Variants in SOX6 observed in about 807,000 individuals in gnomAD.
SOX6 encodes the protein SRY-box transcription factor 6, also known as transcription factor SOX-6.
In SOX6, 11 loss-of-function variants were observed where a neutral mutation model predicts 97.8. The observed-to-expected ratio is 0.11, with a 90% CI of 0.07 to 0.19. The LOEUF (loss-of-function observed/expected upper bound fraction) is 0.19, where lower values mean the gene tolerates loss of function less well. Among genes scored for constraint, SOX6 ranks in the 10% least tolerant of loss-of-function variants. The pLI, the probability that SOX6 is intolerant of heterozygous loss-of-function variation, is 1.00. For synonymous variants in SOX6, 360 were observed against 371.4 expected (o/e 0.97, Z 0.35); for missense variants, 810 against 1,039.5 (o/e 0.78, Z 3.04).
In SOX6 at chr11:16,419,271, T is replaced by C. The variant is rs1365805931; in HGVS notation, c.-5+57044A>G. Among the ~76,000 whole-genome samples the C allele has an allele frequency of 5.3e-5, 8 of 152,206 alleles. No homozygotes were observed. In the East Asian group the frequency reaches 1.5e-3, roughly 29 times the overall value. The stretch of plus-strand genomic sequence containing the variant: ...CACTACACCACACATTATGGTTTTG[T>C]AGCTTCTTTGCCCTAAAGTAACAAA... On this transcript the variant is annotated intron_variant, in intron 1 of 15. Transcript: ENST00000396356.
rs1860646586 is a variant in SOX6 at position 16,498,453 on chromosome 11, T to C, written n.610-22065A>G. Among the ~76,000 whole-genome samples, 3 of 151,934 alleles carry C rather than the reference T, an allele frequency of 2.0e-5. No individual in the cohort carries two copies. The South Asian group carries it at 6.2e-4, about 32-fold the overall frequency. On this transcript the variant is annotated intron_variant and non_coding_transcript_variant, in intron 4 of 5. Transcript: ENST00000524520. ...ATAAGGAAAGGATCAAATTCACACA[T>C]AACAATATTAACCTTAAGTGTAAAT...
At chr11:15,979,275 G>C (rs1246995606) in intron 15 of SOX6, among the ~76,000 whole-genome samples, 3 of 151,366 alleles carry the variant, frequency 2.0e-5, no homozygotes, top group Non-Finnish European at 4.4e-5. Context: ...AAATCCTATT[G>C]GTTCTTCTTC....
intron 9 of SOX6, among the ~76,000 whole-genome samples, chr11:16,058,160 G>A (rs183373614): frequency 6.6e-6 from 1 of 151,202 alleles, no homozygotes; most frequent in East Asian, 1.9e-4. Flanking sequence ...TTGACATTTT[G>A]TTATACTCTA....
At position 15,968,325 on chromosome 11, in the gene SOX6, A is replaced by G. The variant is rs1462120626; in HGVS notation, c.*4484T>C. The G allele has an allele frequency of 6.6e-6, 1 of 152,236 alleles. No homozygotes were observed. The highest frequency in any genetic ancestry group is 1.5e-5 in the Non-Finnish European group (1 of 68,044). The allele number at this position is 152,236 out of a possible 1,614,324, so 9.4% of individuals were successfully genotyped here. ...TTCTCATTAAAAAGGAAGACCCAGT[A>G]GTAATTTCAATACATTCCTCTAGCT... On this transcript the variant is annotated 3_prime_UTR_variant, in exon 16 of 16. Transcript: ENST00000683767.
chr11:16,257,942 T>C (rs554565151), intron 3 of SOX6, among the ~76,000 whole-genome samples: 1 of 151,792 alleles, frequency 6.6e-6, no homozygotes, highest in African/African-American at 2.4e-5. Flanking sequence ...AGTAAACATA[T>C]GAAAAGATGT....
intron 3 of SOX6, among the ~76,000 whole-genome samples, chr11:16,274,460 T>A (rs1049712319): frequency 1.3e-5 from 2 of 152,152 alleles, no homozygotes; most frequent in Non-Finnish European, 2.9e-5. Context: ...GGTGGTGGTA[T>A]TAATTTTTCT....
intron 3 of SOX6, among the ~76,000 whole-genome samples, chr11:16,237,962 T>C (rs1348578842): frequency 6.6e-6 from 1 of 151,888 alleles, no homozygotes; most frequent in Non-Finnish European, 1.5e-5. Context: ...CACCATAATA[T>C]GTACATATTT....
chr11:16,278,375 C>G (rs11023902), intron 3 of SOX6, among the ~76,000 whole-genome samples: 118,725 of 152,058 alleles, frequency 0.78, 46,491 homozygotes, highest in Non-Finnish European at 0.8. Context: ...AGTTTATTAT[C>G]CTATAAACAA....
intron 1 of SOX6, among the ~76,000 whole-genome samples, chr11:16,345,343 A>G (rs1359236815): frequency 1.3e-5 from 2 of 152,002 alleles, no homozygotes; most frequent in Admixed American, 1.3e-4. Flanking sequence ...ATAAAACTAA[A>G]TTCCCATCAT....
chr11:16,096,190 T>A, intron 8 of SOX6, 72 bp from the exon 9 acceptor site: 2 of 1,540,646 alleles, frequency 1.3e-6, no homozygotes, highest in Non-Finnish European at 1.8e-6. Context: ...ACAGAATACA[T>A]ATTTCTAAAT....
At chr11:16,254,387 A>G (rs1853617464) in intron 3 of SOX6, among the ~76,000 whole-genome samples, 1 of 152,126 alleles carries the variant, frequency 6.6e-6, no homozygotes, top group African/African-American at 2.4e-5. Context: ...ACATTCATAT[A>G]TATTACATAC....
chr11:16,461,290 C>T (rs570083957), intron 1 of SOX6, among the ~76,000 whole-genome samples: 1 of 151,610 alleles, frequency 6.6e-6, no homozygotes, highest in Admixed American at 6.6e-5. Context: ...TGCAGTAGTC[C>T]TCACAAGTTG....
intron 7 of SOX6, among the ~76,000 whole-genome samples, chr11:16,104,246 T>C (rs1849019140): frequency 2.0e-5 from 3 of 151,982 alleles, no homozygotes; most frequent in Admixed American, 2.0e-4. Flanking sequence ...ACTATTACAA[T>C]AGCAGTTCAT....
At chr11:16,268,536 T>C (rs1854150597) in intron 3 of SOX6, among the ~76,000 whole-genome samples, 1 of 151,218 alleles carries the variant, frequency 6.6e-6, no homozygotes, top group African/African-American at 2.4e-5. Flanking sequence ...TAATTGTTTA[T>C]GCACCTAGTA....
At chr11:16,110,124 C>T (rs1261728422) in intron 7 of SOX6, among the ~76,000 whole-genome samples, 8 of 152,136 alleles carry the variant, frequency 5.3e-5, no homozygotes, top group Middle Eastern at 3.4e-3. Context: ...ATTGTTTCAA[C>T]AAAATTAGGT....
chr11:16,617,988 C>T (rs936002077), intron 3 of SOX6, among the ~76,000 whole-genome samples: 1 of 151,750 alleles, frequency 6.6e-6, no homozygotes, highest in Non-Finnish European at 1.5e-5. Context: ...ACAACTAGAG[C>T]AGAACTTTAA....
chr11:16,590,936 G>A (rs1848143111), intron 4 of SOX6, among the ~76,000 whole-genome samples: 2 of 151,862 alleles, frequency 1.3e-5, no homozygotes, highest in South Asian at 4.2e-4. Context: ...AATAACTAAA[G>A]TATAATTGGA....
At chr11:16,197,698 C>G (rs1214333841) in intron 4 of SOX6, among the ~76,000 whole-genome samples, 2 of 152,044 alleles carry the variant, frequency 1.3e-5, no homozygotes, top group East Asian at 1.9e-4. Flanking sequence ...GAAAATAAAA[C>G]TTCTTTCAAG....
chr11:16,154,063 C>T (rs1458946201), intron 6 of SOX6, among the ~76,000 whole-genome samples: 1 of 152,044 alleles, frequency 6.6e-6, no homozygotes, highest in East Asian at 1.9e-4. Flanking sequence ...AATCACATTC[C>T]TGTCTTCATT....
Sources: gnomAD v4.1 joint callset for allele counts (sites outside exome capture counted in the v4.1 genomes callset) on GRCh38, gnomAD v4.1.1 for gene constraint, MANE v1.5 for transcripts, NCBI Gene and HGNC (gene_info 2026-07-23, HGNC 2026-07-21) for gene names.